The following LRRC8D variants were observed in gnomAD, a reference collection of about 807,000 sequenced individuals.
LRRC8D encodes the protein volume-regulated anion channel subunit LRRC8D.
A neutral mutation model predicts 55.8 loss-of-function variants in LRRC8D; 20 were observed. The observed-to-expected ratio is 0.36, with a 90% CI of 0.25 to 0.52. LRRC8D has a LOEUF of 0.52. LRRC8D is among the 20% of genes least tolerant of loss of function. The pLI is 0.93. For synonymous variants in LRRC8D, 352 were observed against 377.0 expected, an observed-to-expected ratio of 0.93 and a Z score of 0.77; for missense variants, 651 against 1,030.8, an observed-to-expected ratio of 0.63 and a Z score of 5.05.
chr1:89,837,779 G>T (rs530111946), intron 1 of LRRC8D, among the ~76,000 whole-genome samples: 1 of 152,106 alleles, frequency 6.6e-6, no homozygotes, highest in African/African-American at 2.4e-5. Flanking sequence ...TTTCTCTTTC[G>T]TGCTATTTGC....
intron 2 of LRRC8D, among the ~76,000 whole-genome samples, chr1:89,884,096 T>G (rs1662352944): frequency 6.6e-6 from 1 of 152,216 alleles, no homozygotes; most frequent in African/African-American, 2.4e-5. Context: ...CCTTTCTCAT[T>G]GCTGAAGAAA....
chr1:89,871,708 A>T (rs992085648), intron 2 of LRRC8D, among the ~76,000 whole-genome samples: 1 of 152,214 alleles, frequency 6.6e-6, no homozygotes, highest in Non-Finnish European at 1.5e-5. Context: ...TTCATTATAA[A>T]ACTGTTCGGT....
Position 89,934,337 on chromosome 1 carries a change from A to G in LRRC8D, c.1269A>G (p.Val423=). The change falls in exon 3 of 3, where the codon GTA becomes GTG. Residue 423 remains valine (V), a synonymous_variant. Transcript: ENST00000337338. This position sits in a 1 kb window ranked among gnomAD's most constrained non-coding sequence, Gnocchi z 5.9. ...KNDFAFLLHM[V]DQYDQLYSKR... Reference sequence around the variant, plus strand: ...ATTTTGCGTTCCTTCTTCACATGGTAGACCAGTATGACCAGCTATATTCCA... The same window carrying G: ...ATTTTGCGTTCCTTCTTCACATGGTGGACCAGTATGACCAGCTATATTCCA... 1 of 1,613,962 alleles carries G rather than the reference A, an allele frequency of 6.2e-7. No individual in the cohort carries two copies. The highest frequency in any genetic ancestry group is 8.5e-7 in the Non-Finnish European group (1 of 1,179,956).
At chr1:89,860,996 A>G (rs2100795493) in intron 2 of LRRC8D, among the ~76,000 whole-genome samples, 1 of 152,078 alleles carries the variant, frequency 6.6e-6, no homozygotes, top group Non-Finnish European at 1.5e-5. Context: ...AGGTTAATGC[A>G]AGGAACAAAT....
intron 2 of LRRC8D, among the ~76,000 whole-genome samples, chr1:89,897,112 G>A (rs183114836): frequency 6.6e-6 from 1 of 152,300 alleles, no homozygotes. Flanking sequence ...AGAGAAGTAT[G>A]CAGATGTGTT....
chr1:89,892,465 A>G (rs987520408), intron 2 of LRRC8D, among the ~76,000 whole-genome samples: 2 of 152,128 alleles, frequency 1.3e-5, no homozygotes, highest in African/African-American at 4.8e-5. Context: ...TTAGCACTCT[A>G]GGTGCAGTCA....
intron 2 of LRRC8D, among the ~76,000 whole-genome samples, chr1:89,880,512 G>A (rs184447149): frequency 6.6e-6 from 1 of 150,782 alleles, no homozygotes; most frequent in African/African-American, 2.4e-5. Context: ...ATTCTGCAGA[G>A]ATTTAGGTTC....
intron 2 of LRRC8D, among the ~76,000 whole-genome samples, chr1:89,890,729 G>T (rs542868121): frequency 4.1e-4 from 63 of 152,228 alleles, no homozygotes; most frequent in African/African-American, 1.5e-3. Flanking sequence ...CAGGAAATTG[G>T]CATTTATACA....
intron 2 of LRRC8D, among the ~76,000 whole-genome samples, chr1:89,931,546 G>A (rs1008448151): frequency 4.6e-5 from 7 of 152,064 alleles, no homozygotes; most frequent in African/African-American, 1.7e-4. Flanking sequence ...AGATCACAAG[G>A]TCAGGAGTTC....
intron 2 of LRRC8D, among the ~76,000 whole-genome samples, chr1:89,875,258 A>G (rs1002847295): frequency 1.3e-5 from 2 of 152,182 alleles, no homozygotes; most frequent in Non-Finnish European, 2.9e-5. Flanking sequence ...TAAAATATGC[A>G]TGGGATTGAA....
intron 2 of LRRC8D, among the ~76,000 whole-genome samples, chr1:89,920,622 ATAGAG>A (rs1663388665): frequency 6.6e-6 from 1 of 151,638 alleles, no homozygotes; most frequent in Non-Finnish European, 1.5e-5. Context: ...TATATCAGCT[ATAGAG>A]TATATTGTAT....
chr1:89,836,623 G>A (rs954641282), intron 1 of LRRC8D, among the ~76,000 whole-genome samples: 4 of 152,194 alleles, frequency 2.6e-5, no homozygotes, highest in Non-Finnish European at 5.9e-5. Flanking sequence ...CATGCTCTGT[G>A]AAGTTCAGAC....
At chr1:89,870,454 C>T (rs944761859) in intron 2 of LRRC8D, among the ~76,000 whole-genome samples, 11 of 151,344 alleles carry the variant, frequency 7.3e-5, no homozygotes, top group African/African-American at 2.2e-4. Flanking sequence ...CTAGCCTGGG[C>T]GACAAAGCGA....
At chr1:89,910,445 T>G (rs995793330) in intron 2 of LRRC8D, among the ~76,000 whole-genome samples, 10 of 151,882 alleles carry the variant, frequency 6.6e-5, no homozygotes, top group African/African-American at 2.2e-4. Context: ...ACAGTTGGGT[T>G]GTTGTTTCAT....
At chr1:89,903,697 A>G (rs1662919700) in intron 2 of LRRC8D, among the ~76,000 whole-genome samples, 1 of 152,204 alleles carries the variant, frequency 6.6e-6, no homozygotes, top group Non-Finnish European at 1.5e-5. Flanking sequence ...AAGGTTAAGC[A>G]TTATTACATC....
chr1:89,904,452 A>G (rs1662942467), intron 2 of LRRC8D, among the ~76,000 whole-genome samples: 1 of 152,254 alleles, frequency 6.6e-6, no homozygotes, highest in Non-Finnish European at 1.5e-5. Context: ...GAGGAAGGAA[A>G]TAAAATGAAA....
intron 2 of LRRC8D, among the ~76,000 whole-genome samples, chr1:89,859,126 T>A (rs1661632872): frequency 6.6e-6 from 1 of 152,160 alleles, no homozygotes; most frequent in Non-Finnish European, 1.5e-5. Context: ...GAAATCAAAT[T>A]TCTGGGATGC....
chr1:89,930,713 C>T (rs1234702888), intron 2 of LRRC8D, among the ~76,000 whole-genome samples: 1 of 151,752 alleles, frequency 6.6e-6, no homozygotes, highest in Non-Finnish European at 1.5e-5. Flanking sequence ...AAGGTGTACT[C>T]TCTAGTCTCT....
chr1:89,828,745 T>A (rs1660819369), intron 1 of LRRC8D, among the ~76,000 whole-genome samples: 1 of 150,264 alleles, frequency 6.7e-6, no homozygotes, highest in African/African-American at 2.4e-5. Flanking sequence ...ATTACAAGCA[T>A]TTTTTTTTTC....
Sources: gnomAD v4.1 joint callset for allele counts (sites outside exome capture counted in the v4.1 genomes callset) on GRCh38, gnomAD v4.1.1 for gene constraint, Gnocchi (gnomAD v3.1) non-coding constraint, MANE v1.5 for transcripts, NCBI Gene and HGNC (gene_info 2026-07-23, HGNC 2026-07-21) for gene names.